EXT1: variants seen among roughly 807,000 people sequenced by gnomAD.
The protein encoded by EXT1 is exostosin-1.
A neutral mutation model predicts 82.5 loss-of-function variants in EXT1; 20 were observed. The ratio of observed to expected loss-of-function variants is 0.24; its 90% confidence interval spans 0.17 to 0.35. The LOEUF is 0.35. Ranked by LOEUF, EXT1 falls within the 10% of genes least tolerant of loss-of-function variation. EXT1 has a pLI of 1.00. For synonymous variants in EXT1, 348 were observed against 350.8 expected (o/e 0.99, Z 0.09); for missense variants, 757 against 936.5 (o/e 0.81, Z 2.50).
chr8:117,835,638 G>T (rs1587003723), intron 2 of EXT1, 87 bp from the exon 3 acceptor site: 2 of 1,004,114 alleles, frequency 2.0e-6, no homozygotes, highest in East Asian at 2.4e-5. Flanking sequence ...CAAACTCAAT[G>T]ACTGGCATTT....
chr8:118,066,137 C>A (rs949974399), intron 1 of EXT1, among the ~76,000 whole-genome samples: 4 of 152,120 alleles, frequency 2.6e-5, no homozygotes, highest in Non-Finnish European at 5.9e-5. Context: ...TCATTCCCAC[C>A]TACATGAGGA....
At chr8:117,979,550 T>C (rs1158580455) in intron 1 of EXT1, among the ~76,000 whole-genome samples, 2 of 150,592 alleles carry the variant, frequency 1.3e-5, no homozygotes, top group African/African-American at 4.9e-5. Context: ...AAAAAAAATC[T>C]AGACAGTGGA....
chr8:117,826,610 G>T (rs946478386), intron 4 of EXT1, among the ~76,000 whole-genome samples: 2 of 151,932 alleles, frequency 1.3e-5, no homozygotes, highest in East Asian at 1.9e-4. Flanking sequence ...CTGATTTTTT[G>T]ATTATGTTGA....
At chr8:117,935,145 G>A (rs186252001) in intron 1 of EXT1, among the ~76,000 whole-genome samples, 5 of 152,150 alleles carry the variant, frequency 3.3e-5, no homozygotes, top group East Asian at 3.9e-4. Flanking sequence ...AAGTGATAAC[G>A]GAGGTTAAAG....
intron 1 of EXT1, among the ~76,000 whole-genome samples, chr8:118,026,285 A>G (rs1274764369): frequency 6.6e-6 from 1 of 152,166 alleles, no homozygotes; most frequent in African/African-American, 2.4e-5. Flanking sequence ...AACAGCACAC[A>G]TTTATTTCAT....
intron 1 of EXT1, among the ~76,000 whole-genome samples, chr8:117,874,819 A>G (rs1812938960): frequency 6.6e-6 from 1 of 152,212 alleles, no homozygotes; most frequent in African/African-American, 2.4e-5. Flanking sequence ...CAAAGCACAG[A>G]TACAGGTGAC....
chr8:117,893,705 C>T (rs1813287984), intron 1 of EXT1, among the ~76,000 whole-genome samples: 1 of 152,174 alleles, frequency 6.6e-6, no homozygotes, highest in East Asian at 1.9e-4. Flanking sequence ...GAAACGCTTG[C>T]CACTGTTGCT....
intron 4 of EXT1, among the ~76,000 whole-genome samples, chr8:117,827,403 A>T (rs1335772863): frequency 6.6e-6 from 1 of 152,230 alleles, no homozygotes; most frequent in Admixed American, 6.5e-5. Context: ...AGTAAAAAAA[A>T]TTAAAACACT....
At chr8:117,969,412 T>C (rs1026127435) in intron 1 of EXT1, among the ~76,000 whole-genome samples, 6 of 152,208 alleles carry the variant, frequency 3.9e-5, no homozygotes, top group South Asian at 2.1e-4. Context: ...ACTAAAAATG[T>C]CAACCACAGC....
chr8:117,896,834 C>T (rs1019162902), intron 1 of EXT1, among the ~76,000 whole-genome samples: 1 of 152,164 alleles, frequency 6.6e-6, no homozygotes, highest in African/African-American at 2.4e-5. Context: ...AACAGAAGAG[C>T]TGCCTTCTAA....
chr8:117,807,383 G>A lies in EXT1; in HGVS notation c.1723-6C>T. The A allele has an allele frequency of 6.2e-7, 1 of 1,614,108 alleles. No individual in the cohort carries two copies. The highest frequency in any genetic ancestry group is 2.2e-5 in the East Asian group (1 of 44,874). Reference sequence around the variant, plus strand: ...ACTGTGAAGGCGAAATCCACCTGCAGGCAGAACACAAGCCAAACAAGCAAT... The same window carrying A: ...ACTGTGAAGGCGAAATCCACCTGCAAGCAGAACACAAGCCAAACAAGCAAT... On this transcript the variant is annotated splice_region_variant and splice_polypyrimidine_tract_variant and intron_variant, in intron 8 of 10. Coordinates refer to ENST00000378204, the MANE Select transcript of EXT1 (RefSeq NM_000127.3).
chr8:117,856,158 C>G (rs1485174512), intron 1 of EXT1, among the ~76,000 whole-genome samples: 1 of 152,036 alleles, frequency 6.6e-6, no homozygotes, highest in Non-Finnish European at 1.5e-5. Context: ...GGAGAAACAG[C>G]TTTATTGCTG....
At chr8:118,023,356 C>A (rs1462265361) in intron 1 of EXT1, among the ~76,000 whole-genome samples, 1 of 152,158 alleles carries the variant, frequency 6.6e-6, no homozygotes, top group African/African-American at 2.4e-5. Flanking sequence ...TGACTATTGG[C>A]AATTAGCATG....
chr8:117,985,155 A>T (rs945152825), intron 1 of EXT1, among the ~76,000 whole-genome samples: 1 of 152,184 alleles, frequency 6.6e-6, no homozygotes, highest in Non-Finnish European at 1.5e-5. Flanking sequence ...AGGAAGTAAT[A>T]AAAAGAGCCC....
rs1358074119 is a variant in EXT1 at position 117,974,066 on chromosome 8, A to G, written c.962+136019T>C. Among the ~76,000 whole-genome samples, 10 of 152,138 alleles carry G rather than the reference A, an allele frequency of 6.6e-5. No individual in the cohort carries two copies. In the East Asian group the frequency reaches 1.7e-3, roughly 26 times the overall value. ...AGGAAAGTTTTAAGGTAAAAAGGTT[A>G]TAATTCTTCTCATCCCCTCCCACCC... On this transcript the variant is annotated intron_variant, in intron 1 of 10. Coordinates refer to ENST00000378204, the MANE Select transcript of EXT1 (RefSeq NM_000127.3).
chr8:118,012,322 C>T (rs1273021544), intron 1 of EXT1, among the ~76,000 whole-genome samples: 1 of 152,166 alleles, frequency 6.6e-6, no homozygotes, highest in Non-Finnish European at 1.5e-5. Context: ...GGGCTAAGGC[C>T]TAATTCCCGA....
intron 1 of EXT1, among the ~76,000 whole-genome samples, chr8:118,028,934 A>C (rs1230111524): frequency 6.6e-6 from 1 of 152,198 alleles, no homozygotes; most frequent in East Asian, 1.9e-4. Flanking sequence ...AAGAAAAAAA[A>C]TAAATAAATT....
chr8:117,892,599 C>T (rs772438501), intron 1 of EXT1, among the ~76,000 whole-genome samples: 19 of 152,172 alleles, frequency 1.2e-4, no homozygotes, highest in Non-Finnish European at 1.9e-4. Context: ...GAGATATGAG[C>T]TGACTTATCC....
At chr8:118,041,669 G>GGAAGGAAGGAAGGAA in intron 1 of EXT1, among the ~76,000 whole-genome samples, 3 of 74,190 alleles carry the variant, frequency 4.0e-5, no homozygotes, top group Non-Finnish European at 9.0e-5. Flanking sequence ...AGAGAAAGAA[G>GGAAGGAAGGAAGGAA]GAAGGAAGGA....
Sources: gnomAD v4.1 joint callset for allele counts (sites outside exome capture counted in the v4.1 genomes callset) on GRCh38, gnomAD v4.1.1 for gene constraint, MANE v1.5 for transcripts, NCBI Gene and HGNC (gene_info 2026-07-23, HGNC 2026-07-21) for gene names.